Variants in DRC4 observed in about 807,000 individuals in gnomAD.
DRC4 encodes GAS-11.
chr16:90,039,330 T>A, the DRC4 span, among the ~76,000 whole-genome samples: 1 of 152,124 alleles, frequency 6.6e-6, no homozygotes, highest in Non-Finnish European at 1.5e-5. Flanking sequence ...GAGCTCAAAT[T>A]TATCAGCAAA....
chr16:90,023,982 A>T, the DRC4 span, among the ~76,000 whole-genome samples: 1 of 64,762 alleles, frequency 1.5e-5, no homozygotes, highest in Non-Finnish European at 3.7e-5. Flanking sequence ...CACGTCTCTT[A>T]AAAAAAAAAA....
the DRC4 span, among the ~76,000 whole-genome samples, chr16:90,025,649 C>CAAAAAA: frequency 4.4e-5 from 2 of 45,922 alleles, no homozygotes; most frequent in African/African-American, 9.7e-5. Flanking sequence ...GACTCTGTCT[C>CAAAAAA]AAAAAAAAAA....
chr16:90,022,009 G>A, the DRC4 span: 1 of 152,042 alleles, frequency 6.6e-6, no homozygotes, highest in Non-Finnish European at 1.5e-5. Context: ...CAAGAGATTA[G>A]TTAGAAAAGG....
At chr16:90,036,127 C>T in the DRC4 span, 7 of 573,338 alleles carry the variant, frequency 1.2e-5, no homozygotes, top group African/African-American at 1.3e-4. Flanking sequence ...CAGCTGTTGG[C>T]ACCCCCAGTG....
At chr16:90,023,064 T>A in the DRC4 span, among the ~76,000 whole-genome samples, 2 of 152,086 alleles carry the variant, frequency 1.3e-5, no homozygotes, top group Admixed American at 6.5e-5. Context: ...GCAGACTCGG[T>A]CTGTTGGATC....
chr16:90,044,788 GACACCACTGCC>G, the DRC4 span: 1 of 343,076 alleles, frequency 2.9e-6, no homozygotes, highest in Non-Finnish European at 5.8e-6. Context: ...GCAGTCTAGG[GACACCACTGCC>G]CTGTCTTTAG....
the DRC4 span, chr16:90,044,229 A>G: frequency 2.2e-6 from 1 of 452,080 alleles, no homozygotes. Context: ...CTCAGATGAA[A>G]ACCTCTGTCA....
the DRC4 span, among the ~76,000 whole-genome samples, chr16:90,030,295 A>G: frequency 6.6e-6 from 1 of 151,998 alleles, no homozygotes; most frequent in African/African-American, 2.4e-5. Context: ...GGTTAATGTG[A>G]TATTTCTCCT....
chr16:90,022,728 AGCAGGG>A, the DRC4 span: 10 of 1,416,016 alleles, frequency 7.1e-6, no homozygotes, highest in South Asian at 1.4e-5. Flanking sequence ...CGTCATGGTG[AGCAGGG>A]GCGGGAGCGG....
the DRC4 span, among the ~76,000 whole-genome samples, chr16:90,030,092 A>G: frequency 6.6e-6 from 1 of 152,150 alleles, no homozygotes; most frequent in Non-Finnish European, 1.5e-5. Context: ...CTCCCGAGAA[A>G]GCTGGAAGCC....
At chr16:90,020,049 G>C in the DRC4 span, 48 of 686,484 alleles carry the variant, frequency 7.0e-5, no homozygotes, top group Non-Finnish European at 1.1e-4. Context: ...CCCAGATTCA[G>C]CGATTGCCAG....
At chr16:90,040,252 T>A in the DRC4 span, 1 of 1,524,746 alleles carries the variant, frequency 6.6e-7, no homozygotes, top group Non-Finnish European at 8.9e-7. Context: ...CAGCGAGATG[T>A]CCCCAGGTGA....
At chr16:90,026,404 G>T in the DRC4 span, among the ~76,000 whole-genome samples, 3 of 152,152 alleles carry the variant, frequency 2.0e-5, no homozygotes, top group South Asian at 4.1e-4. Flanking sequence ...CTCGTGGTGG[G>T]TGCTGTCTGC....
the DRC4 span, chr16:90,027,875 C>T: frequency 1.5e-6 from 1 of 658,504 alleles, no homozygotes; most frequent in Admixed American, 2.8e-5. Context: ...CCATCAGCGG[C>T]AAAGCTTTCG....
chr16:90,027,514 A>T, the DRC4 span: 1 of 877,934 alleles, frequency 1.1e-6, no homozygotes, highest in Non-Finnish European at 1.9e-6. Flanking sequence ...GATGTGCTCC[A>T]GGTGAGCAGA....
At chr16:90,043,027 G>C in the DRC4 span, 1 of 684,558 alleles carries the variant, frequency 1.5e-6, no homozygotes, top group Non-Finnish European at 2.4e-6. Context: ...CTGAGCCAAC[G>C]CAGTGAAGGT....
chr16:90,022,712 C>G, the DRC4 span: 2 of 1,419,308 alleles, frequency 1.4e-6, no homozygotes, highest in Non-Finnish European at 1.9e-6. Flanking sequence ...TGGGCCTGTC[C>G]GCTGGCGTCA....
At chr16:90,019,872 G>A in the DRC4 span, 1 of 675,492 alleles carries the variant, frequency 1.5e-6, no homozygotes, top group South Asian at 1.5e-5. The surrounding 1 kb of genome is among the most constrained non-coding windows in gnomAD (Gnocchi z 6.1). Context: ...CTCACAGAGC[G>A]CCCTGGATGG....
the DRC4 span, chr16:90,020,812 G>C: frequency 6.6e-6 from 1 of 152,200 alleles, no homozygotes; most frequent in African/African-American, 2.4e-5. Flanking sequence ...TTGCTGAAAG[G>C]AATTATTGTT....
Sources: allele counts gnomAD v4.1 joint callset (sites outside exome capture counted in the v4.1 genomes callset), GRCh38; gene constraint gnomAD v4.1.1; non-coding constraint Gnocchi (gnomAD v3.1); transcripts MANE v1.5; gene names NCBI Gene and HGNC (gene_info 2026-07-23, HGNC 2026-07-21).